The following SMAD2 variants were observed in gnomAD, a reference collection of about 807,000 sequenced individuals.
SMAD2 encodes SMAD family member 2, also known as MAD homolog 2.
A neutral mutation model predicts 64.4 loss-of-function variants in SMAD2; 8 were observed. The observed-to-expected ratio is 0.12, with a 90% CI of 0.07 to 0.22. The LOEUF is 0.22. Among genes scored for constraint, SMAD2 ranks in the 10% least tolerant of loss-of-function variants. SMAD2 has a pLI of 1.00. For synonymous variants in SMAD2, 203 were observed against 195.8 expected (o/e 1.04, Z -0.31); for missense variants, 289 against 561.2 (o/e 0.51, Z 4.90).
chr18:47,914,878 G>T (rs975710078), intron 1 of SMAD2, among the ~76,000 whole-genome samples: 4 of 152,082 alleles, frequency 2.6e-5, no homozygotes, highest in Non-Finnish European at 5.9e-5. Flanking sequence ...GAAGTGCAAT[G>T]AATTTATATT....
At chr18:47,924,487 A>C (rs913093780) in intron 1 of SMAD2, among the ~76,000 whole-genome samples, 27 of 148,188 alleles carry the variant, frequency 1.8e-4, no homozygotes, top group African/African-American at 6.6e-4. Context: ...TTTGAGACGG[A>C]GTCTTGCTCT....
intron 6 of SMAD2, among the ~76,000 whole-genome samples, chr18:47,859,566 A>G (rs1383978981): frequency 6.6e-6 from 1 of 152,228 alleles, no homozygotes; most frequent in African/African-American, 2.4e-5. Flanking sequence ...TAAATAACTC[A>G]TGAATCAAGA....
At chr18:47,856,339 G>T (rs1205204278) in intron 6 of SMAD2, among the ~76,000 whole-genome samples, 1 of 152,096 alleles carries the variant, frequency 6.6e-6, no homozygotes, top group Non-Finnish European at 1.5e-5. Context: ...AATTTTAGGT[G>T]CTCTTATCAC....
At position 47,845,766 on chromosome 18, in the gene SMAD2, T is replaced by C. The variant is rs140112787; in HGVS notation, c.1032A>G (p.Glu344=). The change falls in exon 9 of 11, where the codon GAA becomes GAG. Residue 344 remains glutamate (E), a synonymous_variant. Coordinates refer to ENST00000262160, the MANE Select transcript of SMAD2 (RefSeq NM_005901.6). ...TATCACTTAGGCACTCAGCAAAAAC[T>C]TCCCCACCTATGTAGTATAAGCGCA... ...RGVRLYYIGG[E]VFAECLSDSA... 3.2e-5 allele frequency: 51 copies of C among 1,613,788 alleles called. 1 individual carries two copies. In the African/African-American group the frequency reaches 4.5e-4, roughly 14 times the overall value.
chr18:47,877,977 C>T (rs939133010), intron 2 of SMAD2, among the ~76,000 whole-genome samples: 1 of 152,186 alleles, frequency 6.6e-6, no homozygotes, highest in African/African-American at 2.4e-5. Flanking sequence ...CCTTAACTGG[C>T]TTAAACCTTC....
chr18:47,911,148 G>A (rs762513424), intron 1 of SMAD2, among the ~76,000 whole-genome samples: 1 of 151,806 alleles, frequency 6.6e-6, no homozygotes, highest in Non-Finnish European at 1.5e-5. Context: ...TCAGGCATTC[G>A]AGAACTAGCC....
At chr18:47,903,977 G>C (rs1050913537) in intron 1 of SMAD2, among the ~76,000 whole-genome samples, 6 of 150,982 alleles carry the variant, frequency 4.0e-5, no homozygotes, top group African/African-American at 1.5e-4. Context: ...AAAAATGTAT[G>C]AAGAGATAAT....
chr18:47,912,800 C>A (rs1203167060), intron 1 of SMAD2, among the ~76,000 whole-genome samples: 3 of 147,676 alleles, frequency 2.0e-5, no homozygotes, highest in African/African-American at 7.6e-5. Context: ...TTCAATTATT[C>A]CATTCATAAG....
At chr18:47,867,339 T>A (rs928910496) in intron 5 of SMAD2, 3 of 152,214 alleles carry the variant, frequency 2.0e-5, no homozygotes, top group Non-Finnish European at 4.4e-5. Context: ...TAGTTATCTT[T>A]TCTTTTTTTT....
At chr18:47,928,949 T>TTA (rs1330859220) in intron 1 of SMAD2, among the ~76,000 whole-genome samples, 17 of 152,240 alleles carry the variant, frequency 1.1e-4, no homozygotes, top group Non-Finnish European at 1.5e-4. Context: ...CTATTTATAT[T>TTA]TACTACGACA....
At chr18:47,920,428 A>T (rs1484140957) in intron 1 of SMAD2, among the ~76,000 whole-genome samples, 1 of 152,214 alleles carries the variant, frequency 6.6e-6, no homozygotes, top group African/African-American at 2.4e-5. Flanking sequence ...ACTGTTAGAA[A>T]ATTGGTGTGT....
At chr18:47,856,141 G>T (rs370259759) in intron 6 of SMAD2, among the ~76,000 whole-genome samples, 2,653 of 148,528 alleles carry the variant, frequency 0.018, 58 homozygotes, top group Middle Eastern at 0.052. Context: ...CATATGTGGG[G>T]TTTTTTTTTT....
intron 2 of SMAD2, among the ~76,000 whole-genome samples, chr18:47,881,769 G>C (rs2144419076): frequency 6.6e-6 from 1 of 152,266 alleles, no homozygotes; most frequent in South Asian, 2.1e-4. Context: ...CATTTGCTGG[G>C]AATGCTTATC....
At chr18:47,873,651 C>T (rs920138401) in intron 2 of SMAD2, among the ~76,000 whole-genome samples, 1 of 152,138 alleles carries the variant, frequency 6.6e-6, no homozygotes, top group Non-Finnish European at 1.5e-5. Context: ...GCTAACTTTC[C>T]TTCATATAAC....
At chr18:47,900,097 C>CATAT (rs1389296468) in intron 1 of SMAD2, among the ~76,000 whole-genome samples, 1 of 152,098 alleles carries the variant, frequency 6.6e-6, no homozygotes, top group Non-Finnish European at 1.5e-5. Context: ...ATATGAGCTA[C>CATAT]ATATGTACTT....
At chr18:47,874,029 A>C (rs1015322033) in intron 2 of SMAD2, among the ~76,000 whole-genome samples, 1 of 152,208 alleles carries the variant, frequency 6.6e-6, no homozygotes, top group African/African-American at 2.4e-5. Context: ...AACTTTGCTC[A>C]AAGATATTTT....
rs888471449 is a variant in SMAD2 at position 47,830,607 on chromosome 18, ACAG to A, written c.*11217_*11219del. ...AAAAAAAAAAAAATTCGTTTTTCTC[ACAG>A]CAGCACATTTCTAAATGGCAAACCA... is the stretch of plus-strand genomic sequence containing the variant. On this transcript the variant is annotated 3_prime_UTR_variant, in exon 11 of 11. Coordinates refer to ENST00000262160, the MANE Select transcript of SMAD2 (RefSeq NM_005901.6). 6.6e-6 allele frequency: 1 copy of A among 151,228 alleles called. No individual in the cohort carries two copies. The highest frequency in any genetic ancestry group is 6.6e-5 in the Admixed American group (1 of 15,142). 9.4% of individuals were successfully genotyped at this position (151,228 alleles called of 1,614,324 possible).
chr18:47,844,583 A>G (rs147715873), intron 10 of SMAD2, among the ~76,000 whole-genome samples: 87 of 152,310 alleles, frequency 5.7e-4, no homozygotes, highest in Non-Finnish European at 1.1e-3. Context: ...TCCTTATAAA[A>G]GAGGTAAAGA....
At chr18:47,913,733 A>C (rs572060445) in intron 1 of SMAD2, among the ~76,000 whole-genome samples, 1 of 152,352 alleles carries the variant, frequency 6.6e-6, no homozygotes, top group African/African-American at 2.4e-5. Context: ...AACTAGATTT[A>C]TAATCAAGTT....
Sources: allele counts gnomAD v4.1 joint callset (sites outside exome capture counted in the v4.1 genomes callset), GRCh38; gene constraint gnomAD v4.1.1; transcripts MANE v1.5; gene names NCBI Gene and HGNC (gene_info 2026-07-23, HGNC 2026-07-21).